MAP4K3: variants seen among roughly 807,000 people sequenced by gnomAD.
The protein encoded by MAP4K3 is MAPK/ERK kinase kinase kinase 3.
Under a neutral mutation model 143.5 loss-of-function variants are expected in MAP4K3, and 94 were observed. That is an observed-to-expected ratio of 0.65 (90% CI 0.55 to 0.78). MAP4K3 has a LOEUF of 0.78. Among genes scored for constraint, MAP4K3 ranks in the 30% least tolerant of loss-of-function variants. MAP4K3 has a pLI of 0.00. For missense variants in MAP4K3, 1,077 were observed against 1,068.1 expected, an observed-to-expected ratio of 1.01 and a Z score of -0.12; for synonymous variants, 416 against 347.2, an observed-to-expected ratio of 1.20 and a Z score of -2.20.
At chr2:39,293,693 G>A in intron 16 of MAP4K3, 1 of 164,216 alleles carries the variant, frequency 6.1e-6, no homozygotes, top group Non-Finnish European at 1.3e-5. Context: ...AAATAAGGAA[G>A]GTGACACACT....
chr2:39,354,567 GA>G (rs1304206357), intron 3 of MAP4K3, among the ~76,000 whole-genome samples: 1 of 151,800 alleles, frequency 6.6e-6, no homozygotes, highest in Non-Finnish European at 1.5e-5. Flanking sequence ...GCAGTGAGCC[GA>G]TATCACGCCA....
At chr2:39,325,475 C>T in intron 12 of MAP4K3, 43 bp downstream of exon 12, 1 of 1,314,474 alleles carries the variant, frequency 7.6e-7, no homozygotes. Context: ...TATACATACA[C>T]ATATACATGT....
intron 1 of MAP4K3, among the ~76,000 whole-genome samples, chr2:39,412,511 T>C (rs1482745255): frequency 6.7e-6 from 1 of 148,508 alleles, no homozygotes; most frequent in Admixed American, 6.8e-5. Context: ...AAAGCAAAAA[T>C]ACCTAGATGA....
chr2:39,393,730 G>T (rs1211437391), intron 1 of MAP4K3, among the ~76,000 whole-genome samples: 1 of 152,086 alleles, frequency 6.6e-6, no homozygotes, highest in African/African-American at 2.4e-5. Context: ...TTTGGTATAT[G>T]CAGGAGACTG....
chr2:39,289,113 T>C (rs780445001), intron 19 of MAP4K3, among the ~76,000 whole-genome samples: 21 of 152,138 alleles, frequency 1.4e-4, no homozygotes, highest in Non-Finnish European at 2.8e-4. Flanking sequence ...AACATAGCAA[T>C]ATGGGATGCC....
chr2:39,278,439 G>A lies in MAP4K3; in HGVS notation c.1762C>T (p.Leu588Phe). The stretch of plus-strand genomic sequence containing the variant: ...ATTGATGTTTCATGAAGTTCATTAA[G>A]ATTGAGGGTATAAATCCCTTCTTCG... ...GAEEGIYTLN[L>F]NELHETSMEQ... The change falls in exon 24 of 34, where the codon CTT becomes TTT. Residue 588 changes from leucine (L) to phenylalanine (F), a missense_variant. Around this residue, in one of 2 missense-constraint regions of MAP4K3, gnomAD observed 864 missense variants for 801.2 expected, o/e 1.08. Coordinates refer to ENST00000263881, the MANE Select transcript of MAP4K3 (RefSeq NM_003618.4). 6.3e-7 allele frequency: 1 copy of A among 1,598,390 alleles called. No homozygotes were observed. Among genetic ancestry groups the A allele is most frequent in the Non-Finnish European group, 8.5e-7 (1 of 1,171,710 alleles).
chr2:39,307,533 A>AT (rs1431330984), intron 15 of MAP4K3, among the ~76,000 whole-genome samples: 1 of 151,818 alleles, frequency 6.6e-6, no homozygotes, highest in Non-Finnish European at 1.5e-5. Context: ...AATATTATAT[A>AT]TGTAATGCAT....
intron 8 of MAP4K3, among the ~76,000 whole-genome samples, chr2:39,328,493 C>T (rs1558649169): frequency 6.6e-6 from 1 of 152,150 alleles, no homozygotes; most frequent in Non-Finnish European, 1.5e-5. Flanking sequence ...GATTCCATTT[C>T]TATGCCACTC....
At chr2:39,267,308 T>G in intron 26 of MAP4K3, 61 bp from the exon 27 acceptor site, 1 of 1,281,608 alleles carries the variant, frequency 7.8e-7, no homozygotes, top group Non-Finnish European at 1.1e-6. Flanking sequence ...ATGAAAAAGC[T>G]ACTGTTATAG....
chr2:39,355,893 A>G (rs1437237567), intron 3 of MAP4K3, among the ~76,000 whole-genome samples: 1 of 152,232 alleles, frequency 6.6e-6, no homozygotes, highest in African/African-American at 2.4e-5. Flanking sequence ...AAAGTTTTTG[A>G]TAAACACATA....
chr2:39,317,559 C>A (rs1187336481), intron 12 of MAP4K3, among the ~76,000 whole-genome samples: 1 of 151,550 alleles, frequency 6.6e-6, no homozygotes, highest in Non-Finnish European at 1.5e-5. Flanking sequence ...CTTAAATTAA[C>A]AAGCAAAAAA....
At chr2:39,306,938 C>T (rs1682729447) in intron 15 of MAP4K3, among the ~76,000 whole-genome samples, 1 of 152,208 alleles carries the variant, frequency 6.6e-6, no homozygotes, top group African/African-American at 2.4e-5. Flanking sequence ...GTTGGCAAGC[C>T]ATTATGTATT....
chr2:39,431,667 T>C (rs1665294313), intron 1 of MAP4K3, among the ~76,000 whole-genome samples: 2 of 152,324 alleles, frequency 1.3e-5, no homozygotes, highest in South Asian at 4.1e-4. Flanking sequence ...CTAAAAACCC[T>C]GAGGCAAAGC....
intron 28 of MAP4K3, among the ~76,000 whole-genome samples, chr2:39,264,879 C>T (rs562158107): frequency 9.8e-5 from 15 of 152,322 alleles, no homozygotes; most frequent in African/African-American, 3.6e-4. Context: ...TTGTTTTCAG[C>T]TGTGATGGAG....
At chr2:39,375,644 T>C (rs190277924) in intron 2 of MAP4K3, among the ~76,000 whole-genome samples, 73 of 152,348 alleles carry the variant, frequency 4.8e-4, no homozygotes, top group African/African-American at 1.7e-3. Flanking sequence ...TTAAATTGGA[T>C]AGTTCAGCAA....
chr2:39,263,522 G>A (rs963391399), intron 28 of MAP4K3, among the ~76,000 whole-genome samples: 4 of 150,396 alleles, frequency 2.7e-5, no homozygotes, highest in South Asian at 2.1e-4. Flanking sequence ...CTCGTGATCC[G>A]CCCGCCTCGG....
chr2:39,293,671 T>C (rs1213102113), intron 16 of MAP4K3, among the ~76,000 whole-genome samples: 1 of 152,180 alleles, frequency 6.6e-6, no homozygotes, highest in Non-Finnish European at 1.5e-5. Flanking sequence ...TATATATACT[T>C]TCTTTTTCTT....
Position 39,249,307 on chromosome 2 carries a change from T to C in MAP4K3, c.*1311A>G, listed in dbSNP as rs1174587888. ...GTTAAAAAACATGTTTATTTTACAA[T>C]ATGTACAATCAGGAACATATTTTAA... On this transcript the variant is annotated 3_prime_UTR_variant, in exon 34 of 34. Coordinates refer to ENST00000263881, the MANE Select transcript of MAP4K3 (RefSeq NM_003618.4). The C allele has an allele frequency of 1.3e-5, 2 of 152,636 alleles. No homozygotes were observed. The highest frequency in any genetic ancestry group is 3.8e-4 in the East Asian group (2 of 5,206). The allele number at this position is 152,636 out of a possible 1,614,324, so 9.5% of individuals were successfully genotyped here.
At chr2:39,366,469 A>G (rs1211279840) in intron 2 of MAP4K3, among the ~76,000 whole-genome samples, 1 of 152,192 alleles carries the variant, frequency 6.6e-6, no homozygotes, top group African/African-American at 2.4e-5. Flanking sequence ...TTTCAGACGA[A>G]ATTTCAGACG....
Sources: allele counts gnomAD v4.1 joint callset (sites outside exome capture counted in the v4.1 genomes callset), GRCh38; gene constraint gnomAD v4.1.1; regional missense constraint gnomAD v4.1.1; transcripts MANE v1.5; gene names NCBI Gene and HGNC (gene_info 2026-07-23, HGNC 2026-07-21).